CCDC148: variants seen among roughly 807,000 people sequenced by gnomAD.
CCDC148 encodes the protein coiled-coil domain containing 148.
A neutral mutation model predicts 85.7 loss-of-function variants in CCDC148; 89 were observed. The observed-to-expected ratio is 1.04, with a 90% CI of 0.87 to 1.24. The LOEUF is 1.24. Among genes scored for constraint, CCDC148 ranks in the 50% most tolerant of loss-of-function variants. The probability of loss-of-function intolerance (pLI) is 0.00; values close to 1 mark genes in which losing one functional copy is unlikely to be tolerated. For missense variants in CCDC148, 692 were observed against 671.7 expected (o/e 1.03, Z -0.33); for synonymous variants, 230 against 213.9 (o/e 1.08, Z -0.66).
Position 158,220,652 on chromosome 2 carries a change from T to G in CCDC148, c.1313A>C (p.Gln438Pro), listed in dbSNP as rs753207767. 3.1e-6 allele frequency: 5 copies of G among 1,599,410 alleles called. No individual in the cohort carries two copies. Among genetic ancestry groups the G allele is most frequent in the Non-Finnish European group, 4.2e-6 (5 of 1,176,822 alleles). The change falls in exon 11 of 14, where the codon CAG becomes CCG. Residue 438 changes from glutamine to proline, a missense_variant. Transcript: ENST00000283233. ...KWQEMEMRDL[Q>P]RLEELKKLIA... ...TAATTTCTTCAGTTCTTCTAGACGCTGAAGATCTCTCATTTCCATTTCTTG... is the reference window on the plus strand; with the variant it reads ...TAATTTCTTCAGTTCTTCTAGACGCGGAAGATCTCTCATTTCCATTTCTTG...
At chr2:158,401,050 C>T (rs928730643) in intron 1 of CCDC148, among the ~76,000 whole-genome samples, 2 of 152,026 alleles carry the variant, frequency 1.3e-5, no homozygotes, top group East Asian at 3.9e-4. Context: ...GTCAGGAAAC[C>T]ACATATGCTG....
chr2:158,310,238 G>C (rs936753861), intron 8 of CCDC148, among the ~76,000 whole-genome samples: 1 of 152,104 alleles, frequency 6.6e-6, no homozygotes, highest in Non-Finnish European at 1.5e-5. Flanking sequence ...CACGGGGTTG[G>C]GGGTAAGGTT....
intron 9 of CCDC148, among the ~76,000 whole-genome samples, chr2:158,273,272 T>C (rs1689779188): frequency 6.6e-6 from 1 of 152,198 alleles, no homozygotes; most frequent in South Asian, 2.1e-4. Context: ...GCATGATATA[T>C]AGGGAACAAC....
intron 10 of CCDC148, among the ~76,000 whole-genome samples, chr2:158,226,884 G>A (rs559845240): frequency 1.8e-4 from 28 of 152,240 alleles, no homozygotes; most frequent in African/African-American, 5.5e-4. Context: ...CATTCCCTTT[G>A]AAAACTGGCA....
At chr2:158,242,739 G>A (rs796746351) in intron 10 of CCDC148, among the ~76,000 whole-genome samples, 4 of 151,464 alleles carry the variant, frequency 2.6e-5, no homozygotes, top group South Asian at 4.2e-4. Flanking sequence ...GAACTTCTTG[G>A]CTCAGGTCTT....
At chr2:158,450,647 T>C (rs1419967433) in intron 1 of CCDC148, among the ~76,000 whole-genome samples, 2 of 152,252 alleles carry the variant, frequency 1.3e-5, no homozygotes, top group Admixed American at 6.5e-5. Flanking sequence ...TAGTTTGTTT[T>C]GTTTCTAATG....
intron 1 of CCDC148, among the ~76,000 whole-genome samples, chr2:158,439,494 G>GA (rs1687838136): frequency 6.6e-6 from 1 of 152,082 alleles, no homozygotes. Flanking sequence ...CGGCAGGGGG[G>GA]AGAGATAGCA....
intron 2 of CCDC148, among the ~76,000 whole-genome samples, chr2:158,356,639 T>TAAACTAGTTCAA (rs1381005595): frequency 3.4e-5 from 5 of 147,598 alleles, no homozygotes; most frequent in Non-Finnish European, 7.6e-5. Context: ...GGTGGGACTG[T>TAAACTAGTTCAA]AAACTAGTTC....
At chr2:158,199,873 C>A (rs536405092) in intron 11 of CCDC148, among the ~76,000 whole-genome samples, 6 of 152,172 alleles carry the variant, frequency 3.9e-5, no homozygotes, top group Non-Finnish European at 8.8e-5. Flanking sequence ...GTGCTTAAAG[C>A]ATAAACATCT....
chr2:158,287,530 C>A (rs951993690), intron 9 of CCDC148, among the ~76,000 whole-genome samples: 1 of 152,234 alleles, frequency 6.6e-6, no homozygotes, highest in East Asian at 1.9e-4. Context: ...GGGCTACAGG[C>A]CCCACACAAG....
rs548420470 is a variant in CCDC148 at position 158,294,273 on chromosome 2, T to A, written c.1110+15160A>T. 2.0e-5 allele frequency among the ~76,000 whole-genome samples: 3 copies of A among 152,306 alleles called. No individual in the cohort carries two copies. The South Asian group carries it at 6.2e-4, about 32-fold the overall frequency. ...TGTATCAGTAGTGTTTTACTTTTTG[T>A]TGCTGAGTAATATTCCATTGTATGG... On this transcript the variant is annotated intron_variant, in intron 9 of 13. Coordinates refer to ENST00000283233, the MANE Select transcript of CCDC148 (RefSeq NM_138803.4).
intron 7 of CCDC148, among the ~76,000 whole-genome samples, chr2:158,318,706 C>T (rs1274268448): frequency 1.3e-5 from 2 of 151,726 alleles, no homozygotes; most frequent in Non-Finnish European, 2.9e-5. Context: ...GTCTCTGAAA[C>T]ATCCATCCAG....
At chr2:158,349,177 T>C (rs915233285) in intron 2 of CCDC148, among the ~76,000 whole-genome samples, 3 of 152,102 alleles carry the variant, frequency 2.0e-5, no homozygotes, top group African/African-American at 7.2e-5. Flanking sequence ...ATTCTAGATG[T>C]AACTTGAAGC....
intron 13 of CCDC148, among the ~76,000 whole-genome samples, chr2:158,173,658 T>G: frequency 6.6e-6 from 1 of 151,978 alleles, no homozygotes; most frequent in East Asian, 1.9e-4. Context: ...GATACAGGGC[T>G]TGGGGCAACG....
intron 3 of CCDC148, among the ~76,000 whole-genome samples, chr2:158,341,556 C>T (rs904661860): frequency 6.6e-6 from 1 of 152,176 alleles, no homozygotes; most frequent in South Asian, 2.1e-4. Flanking sequence ...CTCAGGTGAT[C>T]CGCCCACCTT....
At chr2:158,199,849 ATAAT>A (rs749979283) in intron 11 of CCDC148, among the ~76,000 whole-genome samples, 40 of 152,196 alleles carry the variant, frequency 2.6e-4, no homozygotes, top group Non-Finnish European at 5.0e-4. Flanking sequence ...GTGTCTCATG[ATAAT>A]TAAAGATTGG....
Position 158,374,886 on chromosome 2 carries a change from C to T in CCDC148, c.26-16316G>A, listed in dbSNP as rs1055667611. Among the ~76,000 whole-genome samples, 3 of 146,520 alleles carry T rather than the reference C, an allele frequency of 2.0e-5. No individual in the cohort carries two copies. The South Asian group carries it at 7.2e-4, about 35-fold the overall frequency. On this transcript the variant is annotated intron_variant, in intron 1 of 13. Coordinates refer to ENST00000283233, the MANE Select transcript of CCDC148 (RefSeq NM_138803.4). ...GTTTTGCAAATAACCTAGGCACATC[C>T]TCCTGTATGCTTTAAATCATCTCTA... is the stretch of plus-strand genomic sequence containing the variant.
intron 10 of CCDC148, among the ~76,000 whole-genome samples, chr2:158,226,177 C>T (rs1325031548): frequency 1.3e-5 from 2 of 152,168 alleles, no homozygotes; most frequent in East Asian, 3.8e-4. Context: ...CTATGAACAC[C>T]TCTATGCAAA....
chr2:158,361,882 T>C lies in CCDC148; in HGVS notation c.26-3312A>G, dbSNP rs145167179. Among the ~76,000 whole-genome samples the C allele has an allele frequency of 1.8e-3, 275 of 149,602 alleles. 1 individual carries two copies. The highest frequency in any genetic ancestry group is 6.4e-3 in the African/African-American group (259 of 40,646). On this transcript the variant is annotated intron_variant, in intron 1 of 13. Coordinates refer to ENST00000283233, the MANE Select transcript of CCDC148 (RefSeq NM_138803.4). ...AAAAGACACAGACTGACAAATTGAA[T>C]AAAGAGTCAAGACCCATCAGTGCGC...
Sources: allele counts gnomAD v4.1 joint callset (sites outside exome capture counted in the v4.1 genomes callset), GRCh38; gene constraint gnomAD v4.1.1; transcripts MANE v1.5; gene names NCBI Gene and HGNC (gene_info 2026-07-23, HGNC 2026-07-21).